The following CPQ variants were observed in gnomAD, a reference collection of about 807,000 sequenced individuals.
The protein encoded by CPQ is Ser-Met dipeptidase.
Under a neutral mutation model 45.7 loss-of-function variants are expected in CPQ, and 37 were observed. That is an observed-to-expected ratio of 0.81 (90% confidence interval 0.62 to 1.07). The LOEUF (loss-of-function observed/expected upper bound fraction) is 1.07, where lower values mean the gene tolerates loss of function less well. CPQ is among the 50% of genes least tolerant of loss of function. CPQ has a pLI of 0.00. For missense variants in CPQ, 537 were observed against 572.9 expected, an observed-to-expected ratio of 0.94 and a Z score of 0.64; for synonymous variants, 186 against 205.8, an observed-to-expected ratio of 0.90 and a Z score of 0.82.
intron 1 of CPQ, among the ~76,000 whole-genome samples, chr8:96,705,223 A>G (rs1383884035): frequency 2.6e-5 from 4 of 152,178 alleles, no homozygotes; most frequent in East Asian, 3.8e-4. Context: ...TTAATTTACC[A>G]TATTTTAATC....
intron 4 of CPQ, among the ~76,000 whole-genome samples, chr8:96,887,790 C>T (rs949529689): frequency 6.6e-6 from 1 of 151,926 alleles, no homozygotes; most frequent in African/African-American, 2.4e-5. Flanking sequence ...GAGTGGTTGG[C>T]GGTTGATGGT....
chr8:96,980,684 C>T (rs1813877672), intron 5 of CPQ, among the ~76,000 whole-genome samples: 1 of 152,118 alleles, frequency 6.6e-6, no homozygotes, highest in South Asian at 2.1e-4. Context: ...CAAAGTTCAG[C>T]TTGGTCAGGG....
chr8:96,951,672 G>A (rs1228670394), intron 4 of CPQ, among the ~76,000 whole-genome samples: 1 of 151,982 alleles, frequency 6.6e-6, no homozygotes, highest in Admixed American at 6.6e-5. Context: ...TTTTAACTTA[G>A]GTTCACCAAA....
intron 1 of CPQ, among the ~76,000 whole-genome samples, chr8:96,688,541 A>G (rs1345753678): frequency 2.6e-5 from 4 of 152,104 alleles, no homozygotes; most frequent in African/African-American, 9.7e-5. Flanking sequence ...CTGATTTGGA[A>G]GATTTGTAAT....
intron 5 of CPQ, among the ~76,000 whole-genome samples, chr8:97,005,734 A>G (rs1442419811): frequency 6.6e-6 from 1 of 152,144 alleles, no homozygotes; most frequent in Non-Finnish European, 1.5e-5. Context: ...CACTAATTAC[A>G]AAGAAACCTC....
chr8:96,807,732 C>T (rs1463113577), intron 2 of CPQ, among the ~76,000 whole-genome samples: 1 of 152,144 alleles, frequency 6.6e-6, no homozygotes, highest in African/African-American at 2.4e-5. Flanking sequence ...AAGGTAAGTA[C>T]AACTACAGTT....
intron 1 of CPQ, among the ~76,000 whole-genome samples, chr8:96,667,930 A>G (rs777461236): frequency 6.6e-6 from 1 of 152,092 alleles, no homozygotes; most frequent in Non-Finnish European, 1.5e-5. Flanking sequence ...TCTCCACAAT[A>G]TGTTTGATGC....
intron 5 of CPQ, among the ~76,000 whole-genome samples, chr8:96,976,186 A>G (rs189461832): frequency 2.8e-4 from 42 of 148,862 alleles, no homozygotes; most frequent in South Asian, 8.5e-4. Context: ...GCTCTTCTAT[A>G]TACCAACAGC....
intron 7 of CPQ, among the ~76,000 whole-genome samples, chr8:97,067,156 G>A (rs1483433076): frequency 6.6e-6 from 1 of 151,740 alleles, no homozygotes; most frequent in Non-Finnish European, 1.5e-5. Context: ...CCAACTCCTG[G>A]GCTCAAGTGA....
intron 2 of CPQ, among the ~76,000 whole-genome samples, chr8:96,810,673 A>G (rs909595688): frequency 6.6e-6 from 1 of 152,194 alleles, no homozygotes; most frequent in African/African-American, 2.4e-5. Context: ...GATAAAATAT[A>G]TTCACCTTCA....
chr8:96,997,087 A>C (rs190192802), intron 5 of CPQ, among the ~76,000 whole-genome samples: 62 of 152,066 alleles, frequency 4.1e-4, no homozygotes, highest in Non-Finnish European at 5.3e-4. Flanking sequence ...AAGTCTCTTC[A>C]AATGTTTTCT....
At chr8:96,864,742 C>G (rs535930869) in intron 3 of CPQ, among the ~76,000 whole-genome samples, 20 of 151,918 alleles carry the variant, frequency 1.3e-4, no homozygotes, top group African/African-American at 3.9e-4. Context: ...AAAATGTATC[C>G]TAAATCTACT....
At chr8:97,099,638 C>G (rs1021219133) in intron 7 of CPQ, among the ~76,000 whole-genome samples, 56 of 151,802 alleles carry the variant, frequency 3.7e-4, no homozygotes, top group Non-Finnish European at 2.8e-4. Flanking sequence ...CTCTAGTTAT[C>G]CTCAAGAAAA....
intron 4 of CPQ, among the ~76,000 whole-genome samples, chr8:96,907,200 A>G (rs1812590934): frequency 6.6e-6 from 1 of 152,210 alleles, no homozygotes; most frequent in African/African-American, 2.4e-5. Flanking sequence ...CAATCCTGGT[A>G]TGAGTAGTCA....
intron 1 of CPQ, among the ~76,000 whole-genome samples, chr8:96,667,924 C>T (rs1435501872): frequency 3.9e-5 from 6 of 151,960 alleles, no homozygotes; most frequent in African/African-American, 1.5e-4. Context: ...TTTTATTCTC[C>T]ACAATATGTT....
intron 5 of CPQ, among the ~76,000 whole-genome samples, chr8:96,972,781 A>C (rs1459851113): frequency 6.6e-6 from 1 of 152,178 alleles, no homozygotes; most frequent in Non-Finnish European, 1.5e-5. Context: ...CCAGAAGAGC[A>C]AAAACAATCA....
At chr8:96,876,137 A>G (rs1034402772) in intron 3 of CPQ, among the ~76,000 whole-genome samples, 1 of 151,900 alleles carries the variant, frequency 6.6e-6, no homozygotes, top group African/African-American at 2.4e-5. Flanking sequence ...CTGCTGCACA[A>G]TTGATTTTTG....
At chr8:96,932,296 C>T (rs1258467022) in intron 4 of CPQ, among the ~76,000 whole-genome samples, 1 of 152,056 alleles carries the variant, frequency 6.6e-6, no homozygotes, top group Non-Finnish European at 1.5e-5. Flanking sequence ...TATATTATTC[C>T]TATGTGCATT....
At chr8:96,911,278 A>G (rs1812659160) in intron 4 of CPQ, among the ~76,000 whole-genome samples, 1 of 152,206 alleles carries the variant, frequency 6.6e-6, no homozygotes, top group Non-Finnish European at 1.5e-5. Flanking sequence ...CTTATTTGCT[A>G]CTTCAAAAAT....
Sources: allele counts gnomAD v4.1 joint callset (sites outside exome capture counted in the v4.1 genomes callset), GRCh38; gene constraint gnomAD v4.1.1; transcripts MANE v1.5; gene names NCBI Gene and HGNC (gene_info 2026-07-23, HGNC 2026-07-21).